The following SLC16A1 variants were observed in gnomAD, a reference collection of about 807,000 sequenced individuals.
SLC16A1 encodes the protein solute carrier family 16 member 1.
SLC16A1 carries 11 observed loss-of-function variants against 32.2 expected under a neutral mutation model. The ratio of observed to expected loss-of-function variants is 0.34; its 90% CI spans 0.21 to 0.56. The LOEUF (loss-of-function observed/expected upper bound fraction) is 0.56. SLC16A1 is among the 20% of genes least tolerant of loss of function. The probability of loss-of-function intolerance (pLI) is 0.87; values close to 1 mark genes in which losing one functional copy is unlikely to be tolerated. For synonymous variants in SLC16A1, 231 were observed against 226.8 expected (o/e 1.02, Z -0.17); for missense variants, 435 against 615.0 (o/e 0.71, Z 3.10).
Position 112,917,852 on chromosome 1 carries a change from A to T in SLC16A1, c.554T>A (p.Leu185Gln), listed in dbSNP as rs770991704. Residue 185 changes from leucine (L) to glutamine (Q), a missense_variant, in exon 4 of 5, where the codon CTA becomes CAA. Transcript: ENST00000369626. The surrounding 1 kb of genome is among the most constrained non-coding windows in gnomAD (Gnocchi z 4.1). The part of the protein sequence containing the change: ...RGSFLILGGL[L>Q]LNCCVAGALM... ...GGCTCCAGCAACACAGCAGTTTAGT[A>T]GCAAGCCCCCAAGAATTAGAAAGCT... 1 of 1,613,178 alleles carries T rather than the reference A, an allele frequency of 6.2e-7. No individual in the cohort carries two copies. Among genetic ancestry groups the T allele is most frequent in the Non-Finnish European group, 8.5e-7 (1 of 1,179,598 alleles).
intron 2 of SLC16A1, among the ~76,000 whole-genome samples, chr1:112,927,850 A>G (rs1239432910): frequency 2.0e-5 from 3 of 152,212 alleles, no homozygotes; most frequent in African/African-American, 7.2e-5. Flanking sequence ...AGCAACATGT[A>G]AACTTCTGGT....
intron 1 of SLC16A1, among the ~76,000 whole-genome samples, chr1:112,952,902 C>T (rs892578028): frequency 6.6e-6 from 1 of 152,128 alleles, no homozygotes; most frequent in Non-Finnish European, 1.5e-5. Flanking sequence ...ACCTAATAAA[C>T]TCGTATTTGT....
At chr1:112,931,956 T>C (rs900766368) in intron 1 of SLC16A1, among the ~76,000 whole-genome samples, 3 of 152,172 alleles carry the variant, frequency 2.0e-5, no homozygotes, top group Non-Finnish European at 2.9e-5. Context: ...AGGTCAGAGA[T>C]GACAAGTTCA....
intron 1 of SLC16A1, among the ~76,000 whole-genome samples, chr1:112,954,374 T>C (rs1370774260): frequency 6.6e-6 from 1 of 152,142 alleles, no homozygotes; most frequent in Non-Finnish European, 1.5e-5. Flanking sequence ...CACCAAACCA[T>C]AACAAGTTTT....
At chr1:112,951,166 A>T (rs1649876640) in intron 1 of SLC16A1, among the ~76,000 whole-genome samples, 1 of 152,094 alleles carries the variant, frequency 6.6e-6, no homozygotes, top group African/African-American at 2.4e-5. Flanking sequence ...TTCATTGTAA[A>T]AATCTCCTAT....
In SLC16A1 at chr1:112,917,566, AG is replaced by A; in HGVS notation, c.839del (p.Pro280LeufsTer32). 1 of 1,614,218 alleles carries A rather than the reference AG, an allele frequency of 6.2e-7. No individual in the cohort carries two copies. On this transcript the variant is annotated frameshift_variant, in exon 4 of 5. Coordinates refer to ENST00000369626, the MANE Select transcript of SLC16A1 (RefSeq NM_003051.4). LOFTEE classifies it high-confidence loss of function. This position sits in a 1 kb window ranked among gnomAD's most constrained non-coding sequence, Gnocchi z 4.1. ...NVIMFFGLFAPLVFLSSYGKS... is the reference protein window; with the variant it reads ...NVIMFFGLFAXLVFLSSYGKS... ...TCCCATAACTACTAAGAAACACCAA[AG>A]GTGCAAAGAGTCCAAAAAACATGAT... is the stretch of plus-strand genomic sequence containing the variant.
chr1:112,920,203 T>C (rs1357991210), intron 3 of SLC16A1, among the ~76,000 whole-genome samples: 2 of 152,250 alleles, frequency 1.3e-5, no homozygotes, highest in Non-Finnish European at 2.9e-5. Flanking sequence ...CTGGGCGTGG[T>C]CGCTCATGCC....
At chr1:112,946,117 C>T (rs1649696806) in intron 1 of SLC16A1, among the ~76,000 whole-genome samples, 1 of 152,166 alleles carries the variant, frequency 6.6e-6, no homozygotes, top group African/African-American at 2.4e-5. Context: ...CAAAGAATTT[C>T]TGCAAATTCT....
At chr1:112,919,614 C>T (rs186866669) in intron 3 of SLC16A1, among the ~76,000 whole-genome samples, 57 of 152,282 alleles carry the variant, frequency 3.7e-4, no homozygotes, top group African/African-American at 1.3e-3. Flanking sequence ...AGTTGAAATA[C>T]ATGGAAACAT....
intron 3 of SLC16A1, among the ~76,000 whole-genome samples, chr1:112,920,606 A>C (rs1474902610): frequency 5.3e-5 from 8 of 150,106 alleles, no homozygotes; most frequent in Admixed American, 5.3e-4. Flanking sequence ...ACTGTGTCTC[A>C]AAAAAACAAA....
At chr1:112,941,915 A>G (rs1649524842) in intron 1 of SLC16A1, among the ~76,000 whole-genome samples, 1 of 152,104 alleles carries the variant, frequency 6.6e-6, no homozygotes, top group Non-Finnish European at 1.5e-5. Context: ...CATAAACAAT[A>G]TCCCTTAATT....
chr1:112,945,688 A>G (rs956725353), intron 1 of SLC16A1, among the ~76,000 whole-genome samples: 22 of 142,426 alleles, frequency 1.5e-4, no homozygotes, highest in Admixed American at 4.2e-4. Flanking sequence ...AAAAAAAAAG[A>G]AAAAAAAAAA....
chr1:112,951,678 A>G (rs1375187050), intron 1 of SLC16A1, among the ~76,000 whole-genome samples: 1 of 152,222 alleles, frequency 6.6e-6, no homozygotes, highest in Non-Finnish European at 1.5e-5. Context: ...CAAAAATTTT[A>G]AATATTCTAA....
At position 112,917,884 on chromosome 1, in the gene SLC16A1, C is replaced by G. The variant is rs1404446404; in HGVS notation, c.522G>C (p.Trp174Cys). ...LNQVFFGIFG[W>C]RGSFLILGGL... is the part of the protein sequence containing the mutation. ...CCCCAAGAATTAGAAAGCTTCCTCT[C>G]CATCCAAAGATACCGAAGAAAACCT... Residue 174 changes from tryptophan (W) to cysteine (C), a missense_variant, in exon 4 of 5, where the codon TGG (tryptophan) becomes TGC (cysteine). Around this residue, in one of 2 missense-constraint regions of SLC16A1, gnomAD observed 324 missense variants for 500.3 expected, o/e 0.65. Coordinates refer to ENST00000369626, the MANE Select transcript of SLC16A1 (RefSeq NM_003051.4). The surrounding 1 kb of genome is among the most constrained non-coding windows in gnomAD (Gnocchi z 4.1). 1.2e-6 allele frequency: 2 copies of G among 1,610,482 alleles called. No homozygotes were observed. Among genetic ancestry groups the G allele is most frequent in the Admixed American group, 3.4e-5 (2 of 59,354 alleles).
chr1:112,935,712 A>C (rs776322136), intron 1 of SLC16A1: 1 of 152,234 alleles, frequency 6.6e-6, no homozygotes, highest in Non-Finnish European at 1.5e-5. Flanking sequence ...TTGAGAAAAC[A>C]AGATAAAGAG....
intron 1 of SLC16A1, among the ~76,000 whole-genome samples, chr1:112,937,488 A>G (rs1649346843): frequency 6.6e-6 from 1 of 152,186 alleles, no homozygotes; most frequent in South Asian, 2.1e-4. Context: ...CCACCACCTG[A>G]CAAATGGCTA....
Position 112,914,185 on chromosome 1 carries a change from C to G in SLC16A1, c.1229-20G>C, listed in dbSNP as rs759080685. 187 of 1,613,314 alleles carry G rather than the reference C, an allele frequency of 1.2e-4. No homozygotes were observed. The highest frequency in any genetic ancestry group is 1.3e-4 in the Non-Finnish European group (157 of 1,179,432). ...GCCGACCTAAATATGTAAAACAACA[C>G]AAACAGTTGTTTCTAAGAGTAAACA... On this transcript the variant is annotated intron_variant, in intron 4 of 4. Transcript: ENST00000369626.
At chr1:112,927,821 C>T (rs1648993233) in intron 2 of SLC16A1, among the ~76,000 whole-genome samples, 1 of 152,174 alleles carries the variant, frequency 6.6e-6, no homozygotes, top group South Asian at 2.1e-4. Context: ...GGCTTTCTCG[C>T]TCTTTGGTAG....
Position 112,921,622 on chromosome 1 carries a change from G to C in SLC16A1, c.361+368C>G, listed in dbSNP as rs969484922. ...CTTAATTTAGTGATTTTTAAAATGG[G>C]GGGAGGAATTATGAAGCGTATCCTC... is the stretch of plus-strand genomic sequence containing the variant. On this transcript the variant is annotated intron_variant, in intron 3 of 4. Transcript: ENST00000369626. Among the ~76,000 whole-genome samples, 6 of 152,144 alleles carry C rather than the reference G, an allele frequency of 3.9e-5. No homozygotes were observed. The South Asian group carries it at 6.2e-4, about 16-fold the overall frequency.
Sources: gnomAD v4.1 joint callset for allele counts (sites outside exome capture counted in the v4.1 genomes callset) on GRCh38, gnomAD v4.1.1 for gene constraint, gnomAD v4.1.1 regional missense constraint, Gnocchi (gnomAD v3.1) non-coding constraint, MANE v1.5 for transcripts, NCBI Gene and HGNC (gene_info 2026-07-23, HGNC 2026-07-21) for gene names.